The following CMC1 variants were observed in gnomAD, a reference collection of about 807,000 sequenced individuals.
The protein encoded by CMC1 is COX assembly mitochondrial protein homolog.
Under a neutral mutation model 14.1 loss-of-function variants are expected in CMC1, and 14 were observed. That is an observed-to-expected ratio of 0.99 (90% CI 0.66 to 1.55). CMC1 has a LOEUF of 1.55. Ranked by LOEUF, CMC1 falls within the 40% of genes most tolerant of loss-of-function variation. The pLI is 0.00. For synonymous variants in CMC1, 50 were observed against 38.4 expected (o/e 1.30, Z -1.12); for missense variants, 127 against 123.8 (o/e 1.03, Z -0.12).
intron 2 of CMC1, among the ~76,000 whole-genome samples, chr3:28,309,007 T>A (rs1702483939): frequency 1.3e-5 from 2 of 151,340 alleles, no homozygotes; most frequent in South Asian, 2.1e-4. Context: ...AATAAATAAA[T>A]AAGCCTGCAA....
chr3:28,312,853 AT>A (rs945940566), intron 2 of CMC1, among the ~76,000 whole-genome samples: 13 of 151,824 alleles, frequency 8.6e-5, no homozygotes, highest in Admixed American at 7.9e-4. Context: ...TATCCAAAGA[AT>A]TTTTTTTAAA....
intron 3 of CMC1, chr3:28,318,228 T>G (rs552624797): frequency 6.6e-6 from 1 of 152,006 alleles, no homozygotes; most frequent in South Asian, 2.1e-4. Flanking sequence ...TACTTTCATT[T>G]TTTTCCTTAA....
intron 1 of CMC1, among the ~76,000 whole-genome samples, chr3:28,246,959 TTTA>T (rs1698860193): frequency 6.6e-6 from 1 of 152,146 alleles, no homozygotes; most frequent in Non-Finnish European, 1.5e-5. Flanking sequence ...GATTTATGAA[TTTA>T]TTATTGGTAT....
intron 2 of CMC1, among the ~76,000 whole-genome samples, chr3:28,271,757 G>A (rs770094852): frequency 1.3e-5 from 2 of 152,098 alleles, no homozygotes; most frequent in Non-Finnish European, 2.9e-5. Flanking sequence ...CCGAATTCTA[G>A]TGGATGCTTG....
chr3:28,270,630 C>G (rs980713401), intron 2 of CMC1, among the ~76,000 whole-genome samples: 6 of 150,816 alleles, frequency 4.0e-5, no homozygotes, highest in South Asian at 2.2e-4. Flanking sequence ...TTGTTAAGTT[C>G]CTTGTAAATT....
chr3:28,295,751 G>A (rs1042361621), intron 2 of CMC1, among the ~76,000 whole-genome samples: 6 of 151,988 alleles, frequency 3.9e-5, no homozygotes, highest in East Asian at 1.9e-4. Flanking sequence ...AGTTTCCCTC[G>A]GTATCCACAG....
At chr3:28,268,591 A>G (rs976105297) in intron 2 of CMC1, among the ~76,000 whole-genome samples, 1 of 152,186 alleles carries the variant, frequency 6.6e-6, no homozygotes, top group Non-Finnish European at 1.5e-5. Flanking sequence ...GGGCACAGTG[A>G]GCCACTCTTA....
intron 2 of CMC1, among the ~76,000 whole-genome samples, chr3:28,272,878 G>C (rs1026072731): frequency 1.3e-5 from 2 of 151,930 alleles, no homozygotes; most frequent in African/African-American, 4.8e-5. Flanking sequence ...GTAGAGATGG[G>C]GTTTCACTAT....
intron 2 of CMC1, among the ~76,000 whole-genome samples, chr3:28,277,504 A>T (rs939711252): frequency 1.3e-5 from 2 of 152,058 alleles, no homozygotes; most frequent in African/African-American, 4.8e-5. Context: ...TTAGTGGGGG[A>T]GGGGAGGATA....
intron 1 of CMC1, among the ~76,000 whole-genome samples, chr3:28,255,357 T>C (rs1411006263): frequency 1.3e-5 from 2 of 151,636 alleles, no homozygotes; most frequent in Non-Finnish European, 2.9e-5. Context: ...TCTCTTGCCT[T>C]AGCCTCCTGA....
intron 2 of CMC1, chr3:28,315,820 C>T (rs1327474412): frequency 6.6e-6 from 1 of 152,308 alleles, no homozygotes; most frequent in Non-Finnish European, 1.5e-5. Flanking sequence ...ACATATGGTA[C>T]AGGTTTTAGC....
chr3:28,293,585 ATTCT>A (rs1701593310), intron 2 of CMC1, among the ~76,000 whole-genome samples: 1 of 152,122 alleles, frequency 6.6e-6, no homozygotes, highest in South Asian at 2.1e-4. Context: ...TTTTAAAAAT[ATTCT>A]TTCTTTTTTT....
chr3:28,253,662 A>G, intron 1 of CMC1: 1 of 855,802 alleles, frequency 1.2e-6, no homozygotes, highest in Non-Finnish European at 1.6e-6. Context: ...GGATCCAAAT[A>G]TAGAAACTAT....
At chr3:28,294,441 A>T (rs1347440185) in intron 2 of CMC1, 3 of 964,244 alleles carry the variant, frequency 3.1e-6, no homozygotes, top group Non-Finnish European at 3.7e-6. Context: ...CAGGACAAGT[A>T]AATTTTTGTG....
At chr3:28,263,605 T>A (rs1699843756) in intron 2 of CMC1, among the ~76,000 whole-genome samples, 1 of 152,078 alleles carries the variant, frequency 6.6e-6, no homozygotes, top group Non-Finnish European at 1.5e-5. Context: ...ACATTTTTTG[T>A]TTTTTTACCC....
intron 1 of CMC1, among the ~76,000 whole-genome samples, chr3:28,260,345 G>T (rs1282444324): frequency 6.6e-6 from 1 of 152,048 alleles, no homozygotes; most frequent in Non-Finnish European, 1.5e-5. Flanking sequence ...GTGCCTTCTT[G>T]AGTGAGCTTT....
rs576599452 is a variant in CMC1 at position 28,241,767 on chromosome 3, C to T, written c.-27C>T. The stretch of plus-strand genomic sequence containing the variant: ...TCCTGCGTGCCCCGGAGCCGCCAAG[C>T]GGCTACGTTCTTCTCGGCCCGCCGA... On this transcript the variant is annotated 5_prime_UTR_variant, in exon 1 of 4. Transcript: ENST00000466830. 93 of 1,241,640 alleles carry T rather than the reference C, an allele frequency of 7.5e-5. No individual in the cohort carries two copies. In the South Asian group the frequency reaches 3.3e-3, roughly 44 times the overall value. 76.9% of individuals were successfully genotyped at this position (1,241,640 alleles called of 1,614,324 possible). A position where few individuals can be genotyped will look rare whatever the true frequency, so the allele number is the denominator to read the frequency against.
intron 1 of CMC1, among the ~76,000 whole-genome samples, chr3:28,255,027 A>C (rs1286919740): frequency 6.6e-6 from 1 of 152,090 alleles, no homozygotes; most frequent in Non-Finnish European, 1.5e-5. Context: ...CCGCAACTGA[A>C]TTTCTCTCTT....
intron 2 of CMC1, among the ~76,000 whole-genome samples, chr3:28,276,823 A>G (rs1297141508): frequency 2.0e-5 from 3 of 152,234 alleles, no homozygotes; most frequent in Non-Finnish European, 4.4e-5. Flanking sequence ...AAACTCTGGA[A>G]TGTATTAGAC....
Sources: allele counts gnomAD v4.1 joint callset (sites outside exome capture counted in the v4.1 genomes callset), GRCh38; gene constraint gnomAD v4.1.1; transcripts MANE v1.5; gene names NCBI Gene and HGNC (gene_info 2026-07-23, HGNC 2026-07-21).